Variants in RPA2 observed in about 807,000 individuals in gnomAD.
RPA2 encodes replication protein A 32 kDa subunit.
Under a neutral mutation model 33.4 loss-of-function variants are expected in RPA2, and 22 were observed. The observed-to-expected ratio is 0.66, with a 90% CI of 0.47 to 0.94. The LOEUF (loss-of-function observed/expected upper bound fraction) is 0.94. Among genes scored for constraint, RPA2 ranks in the 40% least tolerant of loss-of-function variants. The probability of loss-of-function intolerance (pLI) is 0.00; values close to 1 mark genes in which losing one functional copy is unlikely to be tolerated. For missense variants in RPA2, 279 were observed against 329.9 expected (o/e 0.85, Z 1.19); for synonymous variants, 109 against 114.9 (o/e 0.95, Z 0.33).
chr1:27,895,183 C>T (rs539859307), intron 6 of RPA2, among the ~76,000 whole-genome samples: 4 of 152,256 alleles, frequency 2.6e-5, no homozygotes, highest in East Asian at 1.9e-4. Context: ...CATCCCAGAC[C>T]GCCTCCTAGG....
chr1:27,898,969 A>G (rs895774620), intron 4 of RPA2, among the ~76,000 whole-genome samples: 1 of 152,196 alleles, frequency 6.6e-6, no homozygotes, highest in African/African-American at 2.4e-5. Context: ...GCACTTTAGG[A>G]GGACAAGGCA....
Position 27,892,262 on chromosome 1 carries a change from G to GAA in RPA2, c.729-17_729-16dup. 9 of 1,452,422 alleles carry GAA rather than the reference G, an allele frequency of 6.2e-6. No homozygotes were observed. The highest frequency in any genetic ancestry group is 1.3e-5 in the South Asian group (1 of 77,192). The allele number at this position is 1,452,422 out of a possible 1,614,324, so 90.0% of individuals were successfully genotyped here. ...CCACAGCTTGCCTAGAAAGAAAGAA[G>GAA]AAAAAAAAAAGGTCATTTTCAGGCC... On this transcript the variant is annotated splice_polypyrimidine_tract_variant and intron_variant, in intron 8 of 8. Transcript: ENST00000373912.
chr1:27,913,471 C>T (rs1447184068), intron 2 of RPA2, among the ~76,000 whole-genome samples: 5 of 151,300 alleles, frequency 3.3e-5, no homozygotes, highest in Non-Finnish European at 7.4e-5. Context: ...GCCTGTAATC[C>T]CAGCTACTCG....
At chr1:27,907,363 T>A (rs866101587) in intron 2 of RPA2, 81 bp from the exon 3 acceptor site, 5 of 1,059,472 alleles carry the variant, frequency 4.7e-6, no homozygotes, top group Middle Eastern at 4.2e-4. Context: ...GCCAAGTACT[T>A]TAAATATATT....
At chr1:27,912,019 G>A (rs1052276917) in intron 2 of RPA2, among the ~76,000 whole-genome samples, 18 of 151,992 alleles carry the variant, frequency 1.2e-4, no homozygotes, top group East Asian at 3.9e-4. Flanking sequence ...GCGTGAAGCC[G>A]GGAGGCAGAG....
At chr1:27,895,618 C>T (rs1277559973) in intron 6 of RPA2, among the ~76,000 whole-genome samples, 2 of 141,438 alleles carry the variant, frequency 1.4e-5, no homozygotes, top group Non-Finnish European at 3.1e-5. Context: ...GTGGTCCCAG[C>T]TACTCGGGAG....
upstream of RPA2, chr1:27,914,694 C>T: frequency 1.2e-6 from 2 of 1,610,370 alleles, no homozygotes; most frequent in South Asian, 1.1e-5. Context: ...TCCCAGTTGG[C>T]TCCAAAAGCC....
intron 4 of RPA2, among the ~76,000 whole-genome samples, chr1:27,898,606 C>A (rs2089921823): frequency 6.7e-6 from 1 of 149,706 alleles, no homozygotes; most frequent in South Asian, 2.1e-4. Context: ...AGTGGAGCGG[C>A]ATGATCTCGG....
At chr1:27,913,218 G>A (rs189935898) in intron 2 of RPA2, among the ~76,000 whole-genome samples, 85 of 151,796 alleles carry the variant, frequency 5.6e-4, no homozygotes, top group African/African-American at 1.9e-3. Flanking sequence ...CTCCCAAAGT[G>A]CTGGGATTAC....
intron 2 of RPA2, 73 bp downstream of exon 2, chr1:27,913,989 TA>T: frequency 7.3e-7 from 1 of 1,363,894 alleles, no homozygotes; most frequent in Non-Finnish European, 9.9e-7. Context: ...CTTCAAAGCA[TA>T]AAGTTTCTGT....
intron 5 of RPA2, 42 bp from the exon 6 acceptor site, chr1:27,897,163 T>G: frequency 7.3e-7 from 1 of 1,372,312 alleles, no homozygotes; most frequent in Non-Finnish European, 1.0e-6. Flanking sequence ...AATATGAACA[T>G]ACATTAATTT....
At chr1:27,909,352 T>A (rs2090069533) in intron 2 of RPA2, among the ~76,000 whole-genome samples, 1 of 152,132 alleles carries the variant, frequency 6.6e-6, no homozygotes, top group Non-Finnish European at 1.5e-5. Context: ...GCAAGCTCAG[T>A]CAACCGCTGG....
intron 1 of RPA2, 95 bp from the exon 2 acceptor site, chr1:27,914,264 G>C (rs55666139): frequency 1.3e-6 from 2 of 1,595,998 alleles, no homozygotes; most frequent in Non-Finnish European, 1.7e-6. Context: ...AACACTGCCC[G>C]AGTCTCCCTA....
intron 8 of RPA2, 49 bp downstream of exon 8, chr1:27,893,963 G>T: frequency 6.7e-7 from 1 of 1,501,712 alleles, no homozygotes; most frequent in South Asian, 1.1e-5. Context: ...CTTGTGAGGT[G>T]AAATAGGTAC....
chr1:27,912,291 C>G (rs1018154099), intron 2 of RPA2, among the ~76,000 whole-genome samples: 3 of 151,862 alleles, frequency 2.0e-5, no homozygotes, highest in East Asian at 3.9e-4. Context: ...CACCTGTAAT[C>G]TCAGCACTTT....
At chr1:27,906,900 C>T (rs1192534916) in intron 4 of RPA2, 28 bp downstream of exon 4, 3 of 1,494,694 alleles carry the variant, frequency 2.0e-6, no homozygotes, top group Non-Finnish European at 9.3e-7. Flanking sequence ...CAAAGTAACC[C>T]CATCATGATT....
chr1:27,903,363 T>C (rs898296227), intron 4 of RPA2, among the ~76,000 whole-genome samples: 5 of 152,230 alleles, frequency 3.3e-5, no homozygotes, highest in African/African-American at 1.2e-4. Context: ...GGATGATGTA[T>C]TCTTATAATG....
intron 4 of RPA2, among the ~76,000 whole-genome samples, chr1:27,899,712 G>T (rs190038546): frequency 6.6e-6 from 1 of 151,384 alleles, no homozygotes; most frequent in Non-Finnish European, 1.5e-5. Flanking sequence ...ACAGAGTCTC[G>T]CTCTGTCGCC....
intron 2 of RPA2, among the ~76,000 whole-genome samples, chr1:27,911,886 A>T (rs1392540990): frequency 6.6e-6 from 1 of 151,870 alleles, no homozygotes; most frequent in Non-Finnish European, 1.5e-5. Context: ...AGGTCAGGAG[A>T]TCAAGACCAT....
Sources: gnomAD v4.1 joint callset for allele counts (sites outside exome capture counted in the v4.1 genomes callset) on GRCh38, gnomAD v4.1.1 for gene constraint, MANE v1.5 for transcripts, NCBI Gene and HGNC (gene_info 2026-07-23, HGNC 2026-07-21) for gene names.